The following RAP1A variants were observed in gnomAD, a reference collection of about 807,000 sequenced individuals.
The protein encoded by RAP1A is RAP1A, member of RAS oncogene family.
A neutral mutation model predicts 26.4 loss-of-function variants in RAP1A; 6 were observed. The observed-to-expected ratio is 0.23, with a 90% CI of 0.12 to 0.45. The LOEUF is 0.45. Ranked by LOEUF, RAP1A falls within the 20% of genes least tolerant of loss-of-function variation. RAP1A has a pLI of 0.99. For synonymous variants in RAP1A, 73 were observed against 79.4 expected, an observed-to-expected ratio of 0.92 and a Z score of 0.43; for missense variants, 121 against 217.2, an observed-to-expected ratio of 0.56 and a Z score of 2.78.
At chr1:111,595,497 T>TG (rs2101068732) in intron 1 of RAP1A, among the ~76,000 whole-genome samples, 1 of 152,204 alleles carries the variant, frequency 6.6e-6, no homozygotes, top group South Asian at 2.1e-4. Context: ...TTTCAATGAG[T>TG]GAAAAAAAAC....
At chr1:111,632,308 A>G (rs555539907) in intron 1 of RAP1A, among the ~76,000 whole-genome samples, 1 of 152,182 alleles carries the variant, frequency 6.6e-6, no homozygotes, top group African/African-American at 2.4e-5. Flanking sequence ...TAAAGTTTCT[A>G]ATCCTTCAAA....
intron 1 of RAP1A, among the ~76,000 whole-genome samples, chr1:111,683,638 A>G (rs1012315359): frequency 2.0e-5 from 3 of 152,238 alleles, no homozygotes; most frequent in Admixed American, 6.5e-5. Flanking sequence ...GAATAGACCA[A>G]TAACAAGTTC....
At chr1:111,710,266 C>T (rs1031655288) in intron 7 of RAP1A, among the ~76,000 whole-genome samples, 17 of 152,168 alleles carry the variant, frequency 1.1e-4, no homozygotes, top group Admixed American at 3.9e-4. Context: ...ATTTGGGCTT[C>T]TAAGTATTAG....
chr1:111,640,697 C>T (rs534862160), intron 1 of RAP1A, among the ~76,000 whole-genome samples: 17 of 152,270 alleles, frequency 1.1e-4, no homozygotes, highest in East Asian at 9.6e-4. Flanking sequence ...TGGTGGCTCC[C>T]GCCTGTAATC....
Position 111,654,655 on chromosome 1 carries a change from CAGTA to C in RAP1A, c.-28+34725_-28+34728del, listed in dbSNP as rs376124556. ...AACATGCTTGCACATAATAAGTCCT[CAGTA>C]AGTGTTAAACTGCTACTGTTGGTTA... On this transcript the variant is annotated intron_variant, in intron 1 of 7. Coordinates refer to ENST00000369709, the MANE Select transcript of RAP1A (RefSeq NM_002884.4). Among the ~76,000 whole-genome samples the C allele has an allele frequency of 7.9e-5, 12 of 151,934 alleles. No homozygotes were observed. The East Asian group carries it at 2.3e-3, about 29-fold the overall frequency.
At chr1:111,674,339 C>T (rs7525578) in intron 1 of RAP1A, among the ~76,000 whole-genome samples, 8,866 of 151,648 alleles carry the variant, frequency 0.058, 277 homozygotes, top group Non-Finnish European at 0.069. Flanking sequence ...TATAAGATGC[C>T]TAGTGTCCCA....
chr1:111,663,516 C>G (rs1185191543), intron 1 of RAP1A, among the ~76,000 whole-genome samples: 5 of 152,194 alleles, frequency 3.3e-5, no homozygotes, highest in Non-Finnish European at 7.3e-5. Context: ...TTGCCAGGCA[C>G]TCTCCTAAGT....
chr1:111,673,139 G>A (rs934294799), intron 1 of RAP1A, among the ~76,000 whole-genome samples: 2 of 152,008 alleles, frequency 1.3e-5, no homozygotes, highest in African/African-American at 2.4e-5. Context: ...TTCTTATGAT[G>A]TACTCTAAAG....
At chr1:111,551,287 G>A (rs1007812708) in intron 1 of RAP1A, among the ~76,000 whole-genome samples, 11 of 152,026 alleles carry the variant, frequency 7.2e-5, no homozygotes, top group Non-Finnish European at 1.0e-4. Flanking sequence ...TATGTATTAT[G>A]TATATGTCTT....
At chr1:111,617,239 C>T (rs533568262), upstream of RAP1A, among the ~76,000 whole-genome samples, 4 of 152,256 alleles carry the variant, frequency 2.6e-5, no homozygotes, top group African/African-American at 7.2e-5. Context: ...GGGGCCTGAG[C>T]GTGCCACAAC....
intron 1 of RAP1A, among the ~76,000 whole-genome samples, chr1:111,550,423 G>A (rs1024859064): frequency 1.3e-5 from 2 of 151,886 alleles, no homozygotes; most frequent in African/African-American, 4.8e-5. Context: ...AGATCATGTT[G>A]TTGATTTGAG....
rs1662469523 is a variant in RAP1A, at chr1:111,714,246, G to A, written c.*1845G>A. 2 of 152,208 alleles carry A rather than the reference G, an allele frequency of 1.3e-5. No individual in the cohort carries two copies. The highest frequency in any genetic ancestry group is 4.2e-4 in the South Asian group (2 of 4,818). The allele number at this position is 152,208 out of a possible 1,614,324, so 9.4% of individuals were successfully genotyped here. ...CTGGGATTGAGGGGCCAAAACTATA[G>A]CGAACTTGAATGAAGTATTAGGGCC... On this transcript the variant is annotated 3_prime_UTR_variant, in exon 8 of 8. Coordinates refer to ENST00000369709, the MANE Select transcript of RAP1A (RefSeq NM_002884.4).
chr1:111,617,374 A>G (rs1488221066), upstream of RAP1A, among the ~76,000 whole-genome samples: 1 of 151,932 alleles, frequency 6.6e-6, no homozygotes, highest in Non-Finnish European at 1.5e-5. Flanking sequence ...TGCTAGATCC[A>G]ATTGCTTCTC....
intron 1 of RAP1A, among the ~76,000 whole-genome samples, chr1:111,563,254 C>CA (rs1367209095): frequency 6.6e-6 from 1 of 151,756 alleles, no homozygotes; most frequent in Non-Finnish European, 1.5e-5. Flanking sequence ...ACAGCCAGGG[C>CA]AAAACAGTGA....
chr1:111,670,103 A>G (rs1265017892), intron 1 of RAP1A, among the ~76,000 whole-genome samples: 2 of 152,200 alleles, frequency 1.3e-5, no homozygotes, highest in African/African-American at 4.8e-5. Context: ...GCACAGCACT[A>G]AGAAAGATTC....
chr1:111,618,931 T>C (rs1571500653), upstream of RAP1A, among the ~76,000 whole-genome samples: 1 of 152,244 alleles, frequency 6.6e-6, no homozygotes, highest in Non-Finnish European at 1.5e-5. Context: ...TGCTTCTCCA[T>C]TGTGTATTTT....
intron 1 of RAP1A, chr1:111,686,594 G>A (rs781233061): frequency 1.3e-5 from 2 of 151,788 alleles, no homozygotes; most frequent in Non-Finnish European, 2.9e-5. Context: ...AGGAGGCTGA[G>A]GCGGAAGGAT....
At chr1:111,625,294 T>C (rs1420322559) in intron 1 of RAP1A, among the ~76,000 whole-genome samples, 2 of 152,212 alleles carry the variant, frequency 1.3e-5, no homozygotes, top group African/African-American at 4.8e-5. Flanking sequence ...AGGACTGTGG[T>C]TAGCTGTCTT....
intron 1 of RAP1A, among the ~76,000 whole-genome samples, chr1:111,661,529 A>G (rs1660635806): frequency 6.6e-6 from 1 of 152,154 alleles, no homozygotes; most frequent in Non-Finnish European, 1.5e-5. Flanking sequence ...GGCCGGGCAC[A>G]GTGGCTCATG....
Sources: allele counts gnomAD v4.1 joint callset (sites outside exome capture counted in the v4.1 genomes callset), GRCh38; gene constraint gnomAD v4.1.1; transcripts MANE v1.5; gene names NCBI Gene and HGNC (gene_info 2026-07-23, HGNC 2026-07-21).